ACTR3C: variants seen among roughly 807,000 people sequenced by gnomAD.
ACTR3C encodes the protein actin related protein 3C, also known as actin-related protein 3C.
A neutral mutation model predicts 26.3 loss-of-function variants in ACTR3C; 18 were observed. The observed-to-expected ratio is 0.68, with a 90% confidence interval of 0.47 to 1.01. The LOEUF (loss-of-function observed/expected upper bound fraction) is 1.01. ACTR3C is among the 50% of genes least tolerant of loss of function. ACTR3C has a pLI of 0.00. For missense variants in ACTR3C, 184 were observed against 250.7 expected (o/e 0.73, Z 1.80); for synonymous variants, 55 against 94.5 (o/e 0.58, Z 2.42).
intron 1 of ACTR3C, among the ~76,000 whole-genome samples, chr7:150,300,360 C>A (rs758543169): frequency 2.6e-5 from 4 of 152,058 alleles, no homozygotes; most frequent in Non-Finnish European, 4.4e-5. Flanking sequence ...TCAAAAAAAA[C>A]AACAACAAAA....
chr7:150,145,853 CATAA>C, the ACTR3C span, among the ~76,000 whole-genome samples: 7 of 134,428 alleles, frequency 5.2e-5, no homozygotes, highest in African/African-American at 1.5e-4. Flanking sequence ...TATAATTCAT[CATAA>C]ATAAATATAC....
chr7:150,124,427 T>C, the ACTR3C span, among the ~76,000 whole-genome samples: 1 of 152,232 alleles, frequency 6.6e-6, no homozygotes, highest in African/African-American at 2.4e-5. Flanking sequence ...TGGAGTGGTA[T>C]GCAGTTGGTT....
At chr7:150,005,791 A>G in the ACTR3C span, among the ~76,000 whole-genome samples, 2 of 152,254 alleles carry the variant, frequency 1.3e-5, no homozygotes, top group Admixed American at 6.5e-5. Flanking sequence ...ACGGGACATA[A>G]CTAACACAGC....
the ACTR3C span, among the ~76,000 whole-genome samples, chr7:150,147,325 G>A: frequency 6.6e-6 from 1 of 151,484 alleles, no homozygotes; most frequent in Non-Finnish European, 1.5e-5. Context: ...CCAACAACAG[G>A]GGAATAAAAG....
chr7:150,191,218 C>A, the ACTR3C span, among the ~76,000 whole-genome samples: 1 of 152,158 alleles, frequency 6.6e-6, no homozygotes, highest in Non-Finnish European at 1.5e-5. Flanking sequence ...CTTGGCCTTG[C>A]ACATTTTATA....
At chr7:150,287,214 C>G (rs1202905603) in intron 4 of ACTR3C, among the ~76,000 whole-genome samples, 2 of 151,740 alleles carry the variant, frequency 1.3e-5, no homozygotes. Flanking sequence ...GCGAAACACA[C>G]AGATCCCTGC....
At chr7:149,986,467 C>T in the ACTR3C span, among the ~76,000 whole-genome samples, 2 of 152,146 alleles carry the variant, frequency 1.3e-5, no homozygotes, top group Non-Finnish European at 2.9e-5. Flanking sequence ...TCCCTGACTA[C>T]CCAAGCAGAG....
At chr7:150,024,630 T>G in the ACTR3C span, among the ~76,000 whole-genome samples, 79 of 148,598 alleles carry the variant, frequency 5.3e-4, 4 homozygotes, top group African/African-American at 1.8e-3. Context: ...TATTTTTATT[T>G]CCATCCGACT....
chr7:150,065,655 A>G, the ACTR3C span, among the ~76,000 whole-genome samples: 3 of 151,626 alleles, frequency 2.0e-5, no homozygotes, highest in African/African-American at 7.3e-5. Flanking sequence ...GGATGGGGAG[A>G]ATGCTCTATC....
the ACTR3C span, among the ~76,000 whole-genome samples, chr7:149,958,436 CT>C: frequency 6.6e-6 from 1 of 152,244 alleles, no homozygotes; most frequent in Admixed American, 6.5e-5. Flanking sequence ...CAGAATTAGT[CT>C]CTATCCAAGT....
the ACTR3C span, among the ~76,000 whole-genome samples, chr7:150,180,728 T>C: frequency 6.7e-6 from 1 of 149,178 alleles, no homozygotes; most frequent in African/African-American, 2.6e-5. Context: ...GCCAGGATGG[T>C]CTCTATCTCC....
the ACTR3C span, among the ~76,000 whole-genome samples, chr7:149,950,286 G>T: frequency 7.2e-6 from 1 of 139,438 alleles, no homozygotes; most frequent in South Asian, 2.3e-4. Context: ...GCCCTCCAGT[G>T]TATTTCACAA....
At chr7:149,926,410 C>T in the ACTR3C span, among the ~76,000 whole-genome samples, 1 of 152,164 alleles carries the variant, frequency 6.6e-6, no homozygotes, top group Non-Finnish European at 1.5e-5. Flanking sequence ...TAGTTCACTG[C>T]TCCTAGAGTG....
chr7:150,087,685 C>T, the ACTR3C span, among the ~76,000 whole-genome samples: 1 of 152,052 alleles, frequency 6.6e-6, no homozygotes, highest in African/African-American at 2.4e-5. Context: ...TGATCCAGAC[C>T]CACCCTGACA....
intron 6 of ACTR3C, among the ~76,000 whole-genome samples, chr7:150,259,273 A>AAGAAAG (rs60908194): frequency 4.0e-5 from 6 of 148,336 alleles, no homozygotes; most frequent in African/African-American, 1.3e-4. Context: ...AGAAGAAAGA[A>AAGAAAG]AAAGAAAGAA....
chr7:150,022,237 TC>T, the ACTR3C span, among the ~76,000 whole-genome samples: 5,785 of 152,148 alleles, frequency 0.038, 237 homozygotes, highest in African/African-American at 0.089. Context: ...GAGCATTTTT[TC>T]ATATGTTTGT....
chr7:150,230,272 C>T, the ACTR3C span, among the ~76,000 whole-genome samples: 1 of 152,138 alleles, frequency 6.6e-6, no homozygotes, highest in South Asian at 2.1e-4. Flanking sequence ...TCTAATGAAA[C>T]CATTTGGGCC....
intron 6 of ACTR3C, among the ~76,000 whole-genome samples, chr7:150,284,446 T>C (rs762899088): frequency 6.6e-6 from 1 of 152,130 alleles, no homozygotes; most frequent in Non-Finnish European, 1.5e-5. Context: ...CTCAGGAGGC[T>C]GAGGCAGGAG....
chr7:149,949,566 G>T, the ACTR3C span, among the ~76,000 whole-genome samples: 3 of 147,810 alleles, frequency 2.0e-5, no homozygotes, highest in Non-Finnish European at 4.4e-5. Flanking sequence ...GGAAGACAAA[G>T]AAAAGATGGA....
Sources: allele counts gnomAD v4.1 joint callset (sites outside exome capture counted in the v4.1 genomes callset), GRCh38; gene constraint gnomAD v4.1.1; transcripts MANE v1.5; gene names NCBI Gene and HGNC (gene_info 2026-07-23, HGNC 2026-07-21).